GTSE1: variants seen among roughly 807,000 people sequenced by gnomAD.
GTSE1 encodes the protein G2 and S-phase expressed 1.
GTSE1 carries 52 observed loss-of-function variants against 60.5 expected under a neutral mutation model. The observed-to-expected ratio is 0.86, with a 90% CI of 0.69 to 1.08. The LOEUF (loss-of-function observed/expected upper bound fraction) is 1.08, where lower values mean the gene tolerates loss of function less well. Among genes scored for constraint, GTSE1 ranks in the 50% least tolerant of loss-of-function variants. The probability of loss-of-function intolerance (pLI) is 0.00; values close to 1 mark genes in which losing one functional copy is unlikely to be tolerated. For synonymous variants in GTSE1, 368 were observed against 386.5 expected (o/e 0.95, Z 0.56); for missense variants, 937 against 961.8 (o/e 0.97, Z 0.34).
chr22:46,320,589 A>G lies in GTSE1; in HGVS notation c.1433-2601A>G, dbSNP rs1331401736. ...GAGGGCACTCACAGCGTGGGACCAC[A>G]TGAACGGTGCCCTGTAGTGGAGGCT... On this transcript the variant is annotated intron_variant, in intron 7 of 11. Coordinates refer to ENST00000454366, the MANE Select transcript of GTSE1 (RefSeq NM_016426.7). This position sits in a 1 kb window ranked among gnomAD's most constrained non-coding sequence, Gnocchi z 7.1. Among the ~76,000 whole-genome samples the G allele has an allele frequency of 6.6e-6, 1 of 152,256 alleles. No homozygotes were observed. Among genetic ancestry groups the G allele is most frequent in the Non-Finnish European group, 1.5e-5 (1 of 68,050 alleles).
chr22:46,308,897 G>T lies in GTSE1; in HGVS notation c.716G>T (p.Arg239Leu). The change falls in exon 4 of 12, where the codon CGA becomes CTA. Residue 239 changes from arginine to leucine, a missense_variant. Coordinates refer to ENST00000454366, the MANE Select transcript of GTSE1 (RefSeq NM_016426.7). ...CCCGGGACCAAATTGCTGCTGCCTC[G>T]AGCGGCCTCTGTTAGAGGAAGAAGC... is the stretch of plus-strand genomic sequence containing the variant. Reference protein sequence around the residue: ...RKPGTKLLLPRAASVRGRSIP... With the variant: ...RKPGTKLLLPLAASVRGRSIP... 1 of 1,613,096 alleles carries T rather than the reference G, an allele frequency of 6.2e-7. No individual in the cohort carries two copies. The highest frequency in any genetic ancestry group is 8.5e-7 in the Non-Finnish European group (1 of 1,180,024).
In GTSE1 at chr22:46,314,188, G is replaced by C. The variant is rs1216138760; in HGVS notation, c.1051+175G>C. ...CTGAGTTGCTGTACCTGCCCTCAGT[G>C]CCTCTGTCCCATGAGGAGGGCACAC... On this transcript the variant is annotated intron_variant, in intron 6 of 11. Transcript: ENST00000454366. This position sits in a 1 kb window ranked among gnomAD's most constrained non-coding sequence, Gnocchi z 7.1. Among the ~76,000 whole-genome samples the C allele has an allele frequency of 6.6e-6, 1 of 152,168 alleles. No homozygotes were observed. Among genetic ancestry groups the C allele is most frequent in the Non-Finnish European group, 1.5e-5 (1 of 68,028 alleles).
rs957447732 is a variant in GTSE1, at chr22:46,321,935, G to A, written c.1433-1255G>A. On this transcript the variant is annotated intron_variant, in intron 7 of 11. Transcript: ENST00000454366. The surrounding 1 kb of genome is among the most constrained non-coding windows in gnomAD (Gnocchi z 4.0). ...CTAACAATACAAAAATTATCCGGGC[G>A]TGGTGGCGGGCACCTATAATTCCAG... Among the ~76,000 whole-genome samples, 4 of 152,084 alleles carry A rather than the reference G, an allele frequency of 2.6e-5. No individual in the cohort carries two copies. Among genetic ancestry groups the A allele is most frequent in the Non-Finnish European group, 4.4e-5 (3 of 68,014 alleles).
Position 46,329,806 on chromosome 22 carries a change from C to G in GTSE1, c.2136+239C>G, listed in dbSNP as rs1448116399. 6.6e-6 allele frequency among the ~76,000 whole-genome samples: 1 copy of G among 152,212 alleles called. No individual in the cohort carries two copies. The highest frequency in any genetic ancestry group is 1.5e-5 in the Non-Finnish European group (1 of 68,026). On this transcript the variant is annotated intron_variant, in intron 11 of 11. Coordinates refer to ENST00000454366, the MANE Select transcript of GTSE1 (RefSeq NM_016426.7). The surrounding 1 kb of genome is among the most constrained non-coding windows in gnomAD (Gnocchi z 6.4). ...GGACAGGGACCGCCTCTCTCCTGCCCATAGACCCCAGGGCCAGATGTGGGA... is the reference window on the plus strand; with the variant it reads ...GGACAGGGACCGCCTCTCTCCTGCCGATAGACCCCAGGGCCAGATGTGGGA...
Position 46,318,028 on chromosome 22 carries a change from C to T in GTSE1, c.1432+1616C>T, listed in dbSNP as rs1690150976. Among the ~76,000 whole-genome samples the T allele has an allele frequency of 6.6e-6, 1 of 152,196 alleles. No homozygotes were observed. Among genetic ancestry groups the T allele is most frequent in the South Asian group, 2.1e-4 (1 of 4,834 alleles). On this transcript the variant is annotated intron_variant, in intron 7 of 11. Transcript: ENST00000454366. This position sits in a 1 kb window ranked among gnomAD's most constrained non-coding sequence, Gnocchi z 4.8. The stretch of plus-strand genomic sequence containing the variant: ...CTAGAGCTCGTTCTGTCGGAGTAGC[C>T]CCCTCCTCTCTAGTTTCTGGCCCTC...
chr22:46,312,420 A>G, intron 5 of GTSE1, 115 bp downstream of exon 5: 1 of 979,074 alleles, frequency 1.0e-6, no homozygotes, highest in Non-Finnish European at 1.5e-6. Flanking sequence ...TGGGAGGATC[A>G]CTTGAGCCCA....
chr22:46,298,360 T>C (rs935398587), intron 2 of GTSE1, among the ~76,000 whole-genome samples: 3 of 151,710 alleles, frequency 2.0e-5, no homozygotes, highest in African/African-American at 7.3e-5. Flanking sequence ...CAGGCTGGAG[T>C]GCAGTGGCAT....
At chr22:46,305,350 C>T (rs1331622536) in intron 2 of GTSE1, among the ~76,000 whole-genome samples, 1 of 152,196 alleles carries the variant, frequency 6.6e-6, no homozygotes, top group Non-Finnish European at 1.5e-5. Flanking sequence ...TGGCTCACGC[C>T]TGTAATCCCA....
Position 46,316,364 on chromosome 22 carries a change from G to A in GTSE1, c.1384G>A (p.Val462Ile), listed in dbSNP as rs371308995. Residue 462 changes from valine to isoleucine, a missense_variant, in exon 7 of 12, where the codon GTT (valine) becomes ATT (isoleucine). Physicochemically the swap from Val to Ile is conservative, Grantham distance 29 (BLOSUM62 3). Coordinates refer to ENST00000454366, the MANE Select transcript of GTSE1 (RefSeq NM_016426.7). The surrounding 1 kb of genome is among the most constrained non-coding windows in gnomAD (Gnocchi z 5.0). Reference protein sequence around the residue: ...RDSCLNSKTKVMPTPTNQFKI... With the variant: ...RDSCLNSKTKIMPTPTNQFKI... ...TTCCTGTCTAAATTCCAAGACAAAG[G>A]TTATGCCTACTCCTACAAATCAATT... 6.2e-7 allele frequency: 1 copy of A among 1,608,374 alleles called. No homozygotes were observed. The highest frequency in any genetic ancestry group is 2.2e-5 in the East Asian group (1 of 44,846).
At chr22:46,323,143 C>A in intron 7 of GTSE1, 47 bp from the exon 8 acceptor site, 1 of 1,236,464 alleles carries the variant, frequency 8.1e-7, no homozygotes, top group Non-Finnish European at 1.2e-6. Context: ...CAGTAGGTCT[C>A]CCCCTGATCA....
Position 46,297,414 on chromosome 22 carries a change from G to T in GTSE1, c.14G>T (p.Gly5Val), listed in dbSNP as rs2077663371. 6.2e-7 allele frequency: 1 copy of T among 1,613,422 alleles called. No individual in the cohort carries two copies. The highest frequency in any genetic ancestry group is 1.7e-5 in the Admixed American group (1 of 60,008). MEGG[G>V]GRDEPSACRA... Reference sequence around the variant, plus strand: ...ACAGCTCTCTCCATGGAAGGAGGCGGCGGCCGCGATGAGCCTTCAGCCTGC... The same window carrying T: ...ACAGCTCTCTCCATGGAAGGAGGCGTCGGCCGCGATGAGCCTTCAGCCTGC... Residue 5 changes from glycine (G) to valine (V), a missense_variant, in exon 2 of 12, where the codon GGC becomes GTC. By Grantham distance (109) the Gly-to-Val change is moderately radical (BLOSUM62 -3). Transcript: ENST00000454366. This position sits in a 1 kb window ranked among gnomAD's most constrained non-coding sequence, Gnocchi z 4.9.
Position 46,308,783 on chromosome 22 carries a change from G to C in GTSE1, c.602G>C (p.Arg201Pro). 6.2e-7 allele frequency: 1 copy of C among 1,613,112 alleles called. No individual in the cohort carries two copies. Among genetic ancestry groups the C allele is most frequent in the Non-Finnish European group, 8.5e-7 (1 of 1,179,970 alleles). ...PSSGAQARLTRAPGPPHSAHA... is the reference protein window; with the variant it reads ...PSSGAQARLTPAPGPPHSAHA... Reference sequence around the variant, plus strand: ...TCTGGTGCCCAGGCCCGCCTCACCCGGGCGCCGGGGCCTCCGCACTCTGCT... The same window carrying C: ...TCTGGTGCCCAGGCCCGCCTCACCCCGGCGCCGGGGCCTCCGCACTCTGCT... The change falls in exon 4 of 12, where the codon CGG becomes CCG. Residue 201 changes from arginine (R) to proline (P), a missense_variant. Transcript: ENST00000454366.
rs927326294 is a variant in GTSE1, at chr22:46,297,113, C to T, written c.-22+182C>T. On this transcript the variant is annotated intron_variant, in intron 1 of 11. Transcript: ENST00000454366. This position sits in a 1 kb window ranked among gnomAD's most constrained non-coding sequence, Gnocchi z 4.9. ...TGCCGGGAGGTCTAGGGCTGCCCCCCAGGCAAACAGAGCCCCCAACACTCT... is the reference window on the plus strand; with the variant it reads ...TGCCGGGAGGTCTAGGGCTGCCCCCTAGGCAAACAGAGCCCCCAACACTCT... Among the ~76,000 whole-genome samples, 15 of 152,344 alleles carry T rather than the reference C, an allele frequency of 9.8e-5. No homozygotes were observed. Among genetic ancestry groups the T allele is most frequent in the African/African-American group, 3.6e-4 (15 of 41,588 alleles).
intron 2 of GTSE1, among the ~76,000 whole-genome samples, chr22:46,298,098 G>A (rs1407463081): frequency 2.0e-5 from 3 of 151,836 alleles, no homozygotes; most frequent in Admixed American, 2.0e-4. Flanking sequence ...TAGTAACTGG[G>A]ATTACAGGCA....
In GTSE1 at chr22:46,320,976, C is replaced by T. The variant is rs1000472131; in HGVS notation, c.1433-2214C>T. 6.6e-6 allele frequency among the ~76,000 whole-genome samples: 1 copy of T among 151,858 alleles called. No individual in the cohort carries two copies. Among genetic ancestry groups the T allele is most frequent in the Non-Finnish European group, 1.5e-5 (1 of 67,970 alleles). On this transcript the variant is annotated intron_variant, in intron 7 of 11. Coordinates refer to ENST00000454366, the MANE Select transcript of GTSE1 (RefSeq NM_016426.7). This position sits in a 1 kb window ranked among gnomAD's most constrained non-coding sequence, Gnocchi z 7.1. The stretch of plus-strand genomic sequence containing the variant: ...CCACCCAGCTGAGGGAGAGGACAAC[C>T]GAGAGGAAGGGGTCTCGGGAGAGAG...
chr22:46,314,656 G>A lies in GTSE1; in HGVS notation c.1051+643G>A, dbSNP rs535766744. 5.9e-5 allele frequency among the ~76,000 whole-genome samples: 9 copies of A among 152,070 alleles called. No homozygotes were observed. The South Asian group carries it at 1.2e-3, about 21-fold the overall frequency. ...TTTGGCAGGCCAAGATGGGTGGATC[G>A]CTTGACCCCTGGAGTTTGAGACCAG... On this transcript the variant is annotated intron_variant, in intron 6 of 11. Coordinates refer to ENST00000454366, the MANE Select transcript of GTSE1 (RefSeq NM_016426.7). The surrounding 1 kb of genome is among the most constrained non-coding windows in gnomAD (Gnocchi z 7.1).
At position 46,308,218 on chromosome 22, in the gene GTSE1, G is replaced by T; in HGVS notation, c.137+11G>T. The T allele has an allele frequency of 6.2e-7, 1 of 1,611,966 alleles. No homozygotes were observed. ...ATTGTCTTCTTCGAGGTAAACAAATGAGTTTTCTTCCCTTGCCTTGGGCAT... is the reference window on the plus strand; with the variant it reads ...ATTGTCTTCTTCGAGGTAAACAAATTAGTTTTCTTCCCTTGCCTTGGGCAT... On this transcript the variant is annotated intron_variant, in intron 3 of 11. Transcript: ENST00000454366.
At chr22:46,300,798 C>T (rs1601898129) in intron 2 of GTSE1, among the ~76,000 whole-genome samples, 1 of 152,294 alleles carries the variant, frequency 6.6e-6, no homozygotes, top group Middle Eastern at 3.4e-3. Context: ...ATTCTTTTTC[C>T]ACGCCAGACC....
rs563358453 is a variant in GTSE1, at chr22:46,310,017, T to C, written c.762+1074T>C. The stretch of plus-strand genomic sequence containing the variant: ...CTTTTGATCTCCTGGTCCTGGGTGG[T>C]GAGCTGGGGTCCAGAGAGCTTGTTC... On this transcript the variant is annotated intron_variant, in intron 4 of 11. Coordinates refer to ENST00000454366, the MANE Select transcript of GTSE1 (RefSeq NM_016426.7). This position sits in a 1 kb window ranked among gnomAD's most constrained non-coding sequence, Gnocchi z 4.4. 3.9e-4 allele frequency among the ~76,000 whole-genome samples: 59 copies of C among 152,304 alleles called. No homozygotes were observed. Among genetic ancestry groups the C allele is most frequent in the Middle Eastern group, 3.4e-3 (1 of 294 alleles).
Sources: gnomAD v4.1 joint callset for allele counts (sites outside exome capture counted in the v4.1 genomes callset) on GRCh38, gnomAD v4.1.1 for gene constraint, Gnocchi (gnomAD v3.1) non-coding constraint, MANE v1.5 for transcripts, NCBI Gene and HGNC (gene_info 2026-07-23, HGNC 2026-07-21) for gene names.